Variants in NUDCD1 observed in about 807,000 individuals in gnomAD.
The protein encoded by NUDCD1 is nudC domain-containing protein 1.
In NUDCD1, 60 loss-of-function variants were observed where a neutral mutation model predicts 67.8. The observed-to-expected ratio is 0.88, with a 90% CI of 0.72 to 1.10. NUDCD1 has a LOEUF of 1.10. Among genes scored for constraint, NUDCD1 ranks in the 50% least tolerant of loss-of-function variants. NUDCD1 has a pLI of 0.00. For synonymous variants in NUDCD1, 244 were observed against 230.8 expected (o/e 1.06, Z -0.52); for missense variants, 643 against 695.0 (o/e 0.93, Z 0.84).
chr8:109,252,452 T>TAA (rs140508782), intron 8 of NUDCD1, among the ~76,000 whole-genome samples: 3 of 151,056 alleles, frequency 2.0e-5, no homozygotes, highest in African/African-American at 7.3e-5. Flanking sequence ...TGCTGATACT[T>TAA]AAAAAAAAAC....
rs1324517612 is a variant in NUDCD1, at chr8:109,243,216, A to T, written c.1545T>A (p.Arg515=). The part of the protein sequence containing the change: ...YSYAALCECL[R]RVFIYRQPAP... The stretch of plus-strand genomic sequence containing the variant: ...CAGGCTGACGATAGATGAATACTCG[A>T]CGAAGGCACTCACAAAGGGCTGCAT... Residue 515 remains arginine, a synonymous_variant, in exon 10 of 10, where the codon CGT becomes CGA. Coordinates refer to ENST00000239690, the MANE Select transcript of NUDCD1 (RefSeq NM_032869.4). 1 of 1,613,628 alleles carries T rather than the reference A, an allele frequency of 6.2e-7. No homozygotes were observed. The highest frequency in any genetic ancestry group is 8.5e-7 in the Non-Finnish European group (1 of 1,179,638).
intron 2 of NUDCD1, among the ~76,000 whole-genome samples, chr8:109,309,813 A>G (rs1815199688): frequency 6.6e-6 from 1 of 151,992 alleles, no homozygotes; most frequent in Non-Finnish European, 1.5e-5. Flanking sequence ...ACATACCAAC[A>G]GCCACCAAAC....
rs181947034 is a variant in NUDCD1, at chr8:109,332,453, A to G, written c.118+1440T>C. Among the ~76,000 whole-genome samples the G allele has an allele frequency of 1.1e-3, 165 of 152,334 alleles. 1 individual carries two copies. The highest frequency in any genetic ancestry group is 1.7e-3 in the Admixed American group (26 of 15,308). ...CTAGTCGGCTAAAGGATAAGAGACCACACGGAGAAAAGTCAAGAGGAGACC... is the reference window on the plus strand; with the variant it reads ...CTAGTCGGCTAAAGGATAAGAGACCGCACGGAGAAAAGTCAAGAGGAGACC... On this transcript the variant is annotated intron_variant, in intron 1 of 9. Coordinates refer to ENST00000239690, the MANE Select transcript of NUDCD1 (RefSeq NM_032869.4).
chr8:109,313,101 CAG>C (rs1376210824), intron 2 of NUDCD1, among the ~76,000 whole-genome samples: 3 of 152,194 alleles, frequency 2.0e-5, no homozygotes, highest in Non-Finnish European at 4.4e-5. Flanking sequence ...AATCACCCAA[CAG>C]AAGCCAAACC....
chr8:109,260,476 C>T (rs546934561), intron 8 of NUDCD1, among the ~76,000 whole-genome samples: 75 of 152,202 alleles, frequency 4.9e-4, no homozygotes, highest in African/African-American at 1.7e-3. Context: ...CTGGGATTAT[C>T]GGCATGAGCC....
At chr8:109,332,509 C>A (rs1815831825) in intron 1 of NUDCD1, among the ~76,000 whole-genome samples, 1 of 152,172 alleles carries the variant, frequency 6.6e-6, no homozygotes, top group Non-Finnish European at 1.5e-5. Context: ...AGCTTATAGT[C>A]TGAGACCCTA....
chr8:109,321,494 TAA>T (rs2130130726), intron 2 of NUDCD1, among the ~76,000 whole-genome samples: 1 of 151,852 alleles, frequency 6.6e-6, no homozygotes, highest in East Asian at 1.9e-4. Context: ...AAGAGGAAAT[TAA>T]ATCGAGTTCT....
chr8:109,260,048 C>T (rs1203793125), intron 8 of NUDCD1, among the ~76,000 whole-genome samples: 2 of 152,022 alleles, frequency 1.3e-5, no homozygotes, highest in African/African-American at 4.8e-5. Context: ...CTTCTAAGTG[C>T]AAGAAGGCAA....
At chr8:109,270,084 GCCTTAAGGT>G (rs1472800125) in intron 8 of NUDCD1, among the ~76,000 whole-genome samples, 3 of 4,810 alleles carry the variant, frequency 6.2e-4, no homozygotes, top group African/African-American at 1.7e-3. Flanking sequence ...GGGGGGGGGT[GCCTTAAGGT>G]GGGGTGTGAA....
intron 8 of NUDCD1, among the ~76,000 whole-genome samples, chr8:109,261,255 T>C (rs772670120): frequency 3.5e-4 from 53 of 152,142 alleles, no homozygotes; most frequent in African/African-American, 1.2e-3. Flanking sequence ...AGTATTGTTA[T>C]AGACATAAAA....
Position 109,263,405 on chromosome 8 carries a change from T to C in NUDCD1, c.1299+7600A>G, listed in dbSNP as rs146421461. Among the ~76,000 whole-genome samples, 488 of 152,344 alleles carry C rather than the reference T, an allele frequency of 3.2e-3. 3 individuals carry two copies. Among genetic ancestry groups the C allele is most frequent in the African/African-American group, 0.011 (449 of 41,578 alleles). ...CTATTGATGTAGGTGGGAATCCATCTGGACCCATCTGTTTTGCCCAGTGGG... is the reference window on the plus strand; with the variant it reads ...CTATTGATGTAGGTGGGAATCCATCCGGACCCATCTGTTTTGCCCAGTGGG... On this transcript the variant is annotated intron_variant, in intron 8 of 9. Coordinates refer to ENST00000239690, the MANE Select transcript of NUDCD1 (RefSeq NM_032869.4).
At chr8:109,331,952 T>C (rs1340510321) in intron 1 of NUDCD1, among the ~76,000 whole-genome samples, 2 of 152,188 alleles carry the variant, frequency 1.3e-5, no homozygotes, top group African/African-American at 4.8e-5. Context: ...TCCAGCAATA[T>C]AAGAGTGCAA....
chr8:109,287,988 A>G (rs1460343572), intron 5 of NUDCD1, among the ~76,000 whole-genome samples: 1 of 152,164 alleles, frequency 6.6e-6, no homozygotes, highest in Non-Finnish European at 1.5e-5. Flanking sequence ...CATGTTATTA[A>G]AATGCCAAAT....
intron 2 of NUDCD1, chr8:109,298,649 A>G (rs929603744): frequency 6.6e-6 from 1 of 152,228 alleles, no homozygotes; most frequent in Non-Finnish European, 1.5e-5. Context: ...TGTCATAAAT[A>G]TAACCCAGGG....
intron 8 of NUDCD1, among the ~76,000 whole-genome samples, chr8:109,267,812 T>C (rs1814037967): frequency 6.6e-6 from 1 of 152,218 alleles, no homozygotes; most frequent in Admixed American, 6.5e-5. Context: ...TTACTGAGGA[T>C]AGAACCTGCT....
chr8:109,283,577 C>G (rs1814505576), intron 5 of NUDCD1, among the ~76,000 whole-genome samples: 1 of 152,168 alleles, frequency 6.6e-6, no homozygotes, highest in Non-Finnish European at 1.5e-5. Flanking sequence ...AGGCTAACAG[C>G]AGACTTCTCA....
intron 1 of NUDCD1, 90 bp downstream of exon 1, chr8:109,333,803 G>A (rs1443103458): frequency 5.7e-6 from 8 of 1,404,198 alleles, no homozygotes; most frequent in Non-Finnish European, 7.8e-6. Flanking sequence ...TCGCTTGCCA[G>A]TCAGAAAGAA....
intron 8 of NUDCD1, among the ~76,000 whole-genome samples, chr8:109,248,213 G>T (rs2129864843): frequency 6.6e-6 from 1 of 152,258 alleles, no homozygotes; most frequent in African/African-American, 2.4e-5. Context: ...GCAAGGAAAT[G>T]GATTCTCCCC....
At chr8:109,267,923 G>T (rs893615609) in intron 8 of NUDCD1, among the ~76,000 whole-genome samples, 4 of 152,156 alleles carry the variant, frequency 2.6e-5, no homozygotes, top group Non-Finnish European at 5.9e-5. Context: ...ACTCCAAATA[G>T]AAATTTATGA....
Sources: gnomAD v4.1 joint callset for allele counts (sites outside exome capture counted in the v4.1 genomes callset) on GRCh38, gnomAD v4.1.1 for gene constraint, MANE v1.5 for transcripts, NCBI Gene and HGNC (gene_info 2026-07-23, HGNC 2026-07-21) for gene names.